ITCH: variants seen among roughly 807,000 people sequenced by gnomAD.
ITCH encodes the protein itchy E3 ubiquitin protein ligase.
A neutral mutation model predicts 126.8 loss-of-function variants in ITCH; 28 were observed. The ratio of observed to expected loss-of-function variants is 0.22; its 90% CI spans 0.16 to 0.30. The LOEUF is 0.30. Ranked by LOEUF, ITCH falls within the 10% of genes least tolerant of loss-of-function variation. The probability of loss-of-function intolerance (pLI) is 1.00; values close to 1 mark genes in which losing one functional copy is unlikely to be tolerated. For synonymous variants in ITCH, 342 were observed against 340.0 expected, an observed-to-expected ratio of 1.01 and a Z score of -0.06; for missense variants, 631 against 1,032.4, an observed-to-expected ratio of 0.61 and a Z score of 5.33.
intron 22 of ITCH, among the ~76,000 whole-genome samples, chr20:34,490,816 G>A (rs1319400657): frequency 2.6e-5 from 4 of 152,118 alleles, no homozygotes; most frequent in Admixed American, 6.6e-5. Flanking sequence ...ATAAGATCCA[G>A]GAATTCCAAT....
At chr20:34,409,191 T>C (rs1025230318) in intron 4 of ITCH, among the ~76,000 whole-genome samples, 1 of 136,396 alleles carries the variant, frequency 7.3e-6, no homozygotes, top group Non-Finnish European at 1.6e-5. Flanking sequence ...TTTTAGTTAG[T>C]TTTTTCTTTG....
intron 2 of ITCH, among the ~76,000 whole-genome samples, chr20:34,390,630 A>G (rs1471929011): frequency 2.0e-5 from 3 of 151,776 alleles, no homozygotes; most frequent in Non-Finnish European, 4.4e-5. Context: ...TTGTATTTTT[A>G]GTAGAGACGA....
At chr20:34,391,382 T>C (rs2038486366) in intron 2 of ITCH, among the ~76,000 whole-genome samples, 1 of 152,182 alleles carries the variant, frequency 6.6e-6, no homozygotes. Flanking sequence ...AATAATATCA[T>C]ACTGTACATA....
intron 10 of ITCH, among the ~76,000 whole-genome samples, chr20:34,444,381 C>T (rs569189438): frequency 1.0e-3 from 156 of 152,158 alleles, no homozygotes; most frequent in African/African-American, 3.6e-3. Flanking sequence ...GTCGGGAGTT[C>T]GAGGGCCGCC....
chr20:34,455,755 G>A (rs1778933210), intron 12 of ITCH, among the ~76,000 whole-genome samples: 1 of 151,906 alleles, frequency 6.6e-6, no homozygotes, highest in African/African-American at 2.4e-5. Context: ...TAGAATTACA[G>A]GCATGAGCTA....
intron 23 of ITCH, among the ~76,000 whole-genome samples, chr20:34,501,672 G>A (rs1990253809): frequency 6.6e-6 from 1 of 151,990 alleles, no homozygotes; most frequent in Non-Finnish European, 1.5e-5. Context: ...CTACTCAGGA[G>A]GCTGAGGCAG....
intron 2 of ITCH, among the ~76,000 whole-genome samples, chr20:34,375,659 G>C (rs2037809341): frequency 7.1e-6 from 1 of 141,004 alleles, no homozygotes; most frequent in South Asian, 2.2e-4. Flanking sequence ...ACTACTTAAG[G>C]TCTTGGGAAT....
intron 3 of ITCH, among the ~76,000 whole-genome samples, chr20:34,395,602 C>T (rs771867903): frequency 4.6e-5 from 7 of 152,200 alleles, no homozygotes; most frequent in Non-Finnish European, 1.0e-4. Flanking sequence ...CATTAGCAGT[C>T]ACTCTCCATT....
intron 6 of ITCH, among the ~76,000 whole-genome samples, chr20:34,419,058 C>T (rs1980381112): frequency 1.3e-5 from 2 of 152,046 alleles, no homozygotes; most frequent in African/African-American, 4.8e-5. Flanking sequence ...CCACCGCGCC[C>T]AGCTGTAAAA....
At chr20:34,430,102 A>G (rs916784195) in intron 7 of ITCH, among the ~76,000 whole-genome samples, 9 of 152,348 alleles carry the variant, frequency 5.9e-5, no homozygotes, top group South Asian at 2.1e-4. Flanking sequence ...CCTTTATATG[A>G]TAGACACTAT....
intron 21 of ITCH, 48 bp downstream of exon 21, chr20:34,489,434 CTTAAG>C: frequency 6.4e-7 from 1 of 1,550,728 alleles, no homozygotes; most frequent in Non-Finnish European, 8.9e-7. Flanking sequence ...TAAATAATGC[CTTAAG>C]TTGTCTGCTT....
intron 12 of ITCH, among the ~76,000 whole-genome samples, chr20:34,452,053 G>C (rs1044131581): frequency 2.2e-5 from 3 of 138,242 alleles, no homozygotes; most frequent in East Asian, 4.3e-4. Context: ...CTGGGCAACA[G>C]AGTGAGACCC....
At chr20:34,395,770 T>C (rs1194651235) in intron 3 of ITCH, among the ~76,000 whole-genome samples, 1 of 152,210 alleles carries the variant, frequency 6.6e-6, no homozygotes, top group Non-Finnish European at 1.5e-5. Flanking sequence ...GTAGCATGTA[T>C]CATTACTTAA....
intron 13 of ITCH, 46 bp from the exon 14 acceptor site, chr20:34,462,047 G>T (rs763790602): frequency 1.3e-6 from 2 of 1,595,480 alleles, no homozygotes; most frequent in East Asian, 4.5e-5. Context: ...TGGCAAACAA[G>T]CAACTCTTTA....
intron 6 of ITCH, among the ~76,000 whole-genome samples, chr20:34,414,805 A>G (rs79396343): frequency 2.0e-5 from 3 of 151,934 alleles, no homozygotes; most frequent in Non-Finnish European, 4.4e-5. Flanking sequence ...ACACTGTACC[A>G]CCCAGCCATT....
intron 11 of ITCH, among the ~76,000 whole-genome samples, 175 bp from the exon 12 acceptor site, chr20:34,449,236 T>G (rs1177200781): frequency 6.6e-6 from 1 of 152,170 alleles, no homozygotes; most frequent in African/African-American, 2.4e-5. Context: ...TGCACCGGTT[T>G]TTTTTAAACC....
At chr20:34,471,379 CT>C (rs1336933341) in intron 15 of ITCH, 64 bp from the exon 16 acceptor site, 8 of 914,346 alleles carry the variant, frequency 8.7e-6, no homozygotes, top group Non-Finnish European at 1.5e-5. Context: ...AAACTTTCCC[CT>C]TTTGATTTTT....
At chr20:34,401,094 G>T (rs961866282) in intron 3 of ITCH, among the ~76,000 whole-genome samples, 2 of 151,948 alleles carry the variant, frequency 1.3e-5, no homozygotes, top group Non-Finnish European at 2.9e-5. Flanking sequence ...CATTCTCATT[G>T]TGTTGCCCAG....
chr20:34,421,145 C>G (rs1489279295), intron 6 of ITCH, among the ~76,000 whole-genome samples: 1 of 152,122 alleles, frequency 6.6e-6, no homozygotes, highest in Non-Finnish European at 1.5e-5. Context: ...CGCTGTGTTG[C>G]CAGACTAGAG....
Sources: allele counts gnomAD v4.1 joint callset (sites outside exome capture counted in the v4.1 genomes callset), GRCh38; gene constraint gnomAD v4.1.1; transcripts MANE v1.5; gene names NCBI Gene and HGNC (gene_info 2026-07-23, HGNC 2026-07-21).